The following FAM178B variants were observed in gnomAD, a reference collection of about 807,000 sequenced individuals.
The protein encoded by FAM178B is family with sequence similarity 178 member B, also known as protein FAM178B.
FAM178B carries 82 observed loss-of-function variants against 91.7 expected under a neutral mutation model. The ratio of observed to expected loss-of-function variants is 0.89; its 90% CI spans 0.75 to 1.07. The LOEUF (loss-of-function observed/expected upper bound fraction) is 1.07. FAM178B is among the 50% of genes least tolerant of loss of function. The pLI is 0.00. For missense variants in FAM178B, 769 were observed against 846.7 expected, an observed-to-expected ratio of 0.91 and a Z score of 1.14; for synonymous variants, 368 against 359.4, an observed-to-expected ratio of 1.02 and a Z score of -0.27.
chr2:96,948,193 A>G (rs2081862774), intron 7 of FAM178B, among the ~76,000 whole-genome samples: 1 of 152,232 alleles, frequency 6.6e-6, no homozygotes, highest in African/African-American at 2.4e-5. Context: ...ACCTCCTGGC[A>G]TGGGGGTCTT....
At chr2:96,886,354 A>G (rs2080520013) in intron 14 of FAM178B, among the ~76,000 whole-genome samples, 1 of 152,208 alleles carries the variant, frequency 6.6e-6, no homozygotes, top group Non-Finnish European at 1.5e-5. Context: ...ATGAGACGCC[A>G]TTCTGGTTAC....
chr2:96,941,996 A>G (rs1391860999), intron 8 of FAM178B, among the ~76,000 whole-genome samples: 1 of 152,242 alleles, frequency 6.6e-6, no homozygotes, highest in Non-Finnish European at 1.5e-5. Context: ...TACCACAAAA[A>G]AACTATCACA....
At chr2:96,893,790 T>A in intron 14 of FAM178B, 136 bp downstream of exon 14, 1 of 1,096,152 alleles carries the variant, frequency 9.1e-7, no homozygotes, top group Non-Finnish European at 1.3e-6. Context: ...AGGCAGCCTG[T>A]TGGTCTCTGC....
intron 8 of FAM178B, among the ~76,000 whole-genome samples, chr2:96,933,595 T>A (rs1296095649): frequency 1.3e-5 from 2 of 152,224 alleles, no homozygotes; most frequent in Non-Finnish European, 2.9e-5. Context: ...GCCTCCCTCG[T>A]GCCCTGAGTC....
At chr2:96,971,424 CA>C (rs2082216486) in intron 3 of FAM178B, among the ~76,000 whole-genome samples, 1 of 152,106 alleles carries the variant, frequency 6.6e-6, no homozygotes, top group African/African-American at 2.4e-5. Flanking sequence ...TCTCGATCCA[CA>C]GCCTGTAAAT....
At chr2:96,961,633 G>A (rs1044710968) in intron 5 of FAM178B, among the ~76,000 whole-genome samples, 5 of 152,258 alleles carry the variant, frequency 3.3e-5, no homozygotes, top group Admixed American at 1.3e-4. Flanking sequence ...CCTGGTTTCC[G>A]GCTAGGCCCA....
rs559786885 is a variant in FAM178B, at chr2:96,929,457, T to TG, written c.1079-138dup. On this transcript the variant is annotated intron_variant, in intron 8 of 16. Coordinates refer to ENST00000490605, the MANE Select transcript of FAM178B (RefSeq NM_001122646.3). Reference sequence around the variant, plus strand: ...CTTCTCTGACACCACAGGTGTTATCTGGGGAAATGAAGCAACTGGTGGTTT... The same window carrying TG: ...CTTCTCTGACACCACAGGTGTTATCTGGGGGAAATGAAGCAACTGGTGGTTT... The TG allele has an allele frequency of 1.1e-4, 71 of 657,516 alleles. No individual in the cohort carries two copies. In the East Asian group the frequency reaches 1.9e-3, roughly 17 times the overall value. The allele number at this position is 657,516 out of a possible 1,614,324, so 40.7% of individuals were successfully genotyped here.
intron 16 of FAM178B, 44 bp downstream of exon 16, chr2:96,877,846 C>A: frequency 6.3e-7 from 1 of 1,590,448 alleles, no homozygotes; most frequent in South Asian, 1.1e-5. Context: ...CCTGCCTGAC[C>A]ACTTCCCGCC....
At chr2:96,956,024 C>G (rs1030113105) in intron 6 of FAM178B, among the ~76,000 whole-genome samples, 12 of 152,182 alleles carry the variant, frequency 7.9e-5, no homozygotes, top group Non-Finnish European at 1.6e-4. Context: ...CACGCTGGTC[C>G]TCGCACCAAC....
chr2:96,977,665 G>T (rs1422736887), intron 1 of FAM178B, among the ~76,000 whole-genome samples: 1 of 151,970 alleles, frequency 6.6e-6, no homozygotes, highest in African/African-American at 2.4e-5. Flanking sequence ...GCACCAAGAA[G>T]AATTCCATAC....
chr2:96,933,381 TG>T (rs1221029060), intron 8 of FAM178B, among the ~76,000 whole-genome samples: 1 of 151,928 alleles, frequency 6.6e-6, no homozygotes, highest in Non-Finnish European at 1.5e-5. Context: ...CTTGGGGGTA[TG>T]GGGGGAAGAT....
At chr2:96,946,394 G>A (rs2081828479) in intron 8 of FAM178B, among the ~76,000 whole-genome samples, 1 of 152,296 alleles carries the variant, frequency 6.6e-6, no homozygotes, top group East Asian at 1.9e-4. Flanking sequence ...ATCTGCTCAA[G>A]TCCCTGCATT....
In FAM178B at chr2:96,968,083, C is replaced by T. The variant is rs536661147; in HGVS notation, c.627-456G>A. 2.0e-5 allele frequency among the ~76,000 whole-genome samples: 3 copies of T among 151,830 alleles called. No homozygotes were observed. In the East Asian group the frequency reaches 5.8e-4, roughly 29 times the overall value. Reference sequence around the variant, plus strand: ...GGGACAACAGGCAAGCACTCGGATTCGTTCTTTTTTTTTAAACACACCAAG... The same window carrying T: ...GGGACAACAGGCAAGCACTCGGATTTGTTCTTTTTTTTTAAACACACCAAG... On this transcript the variant is annotated intron_variant, in intron 4 of 16. Coordinates refer to ENST00000490605, the MANE Select transcript of FAM178B (RefSeq NM_001122646.3).
intron 13 of FAM178B, among the ~76,000 whole-genome samples, chr2:96,900,289 A>G (rs2080902595): frequency 6.6e-6 from 1 of 151,916 alleles, no homozygotes; most frequent in Non-Finnish European, 1.5e-5. Flanking sequence ...CCTCACAGAG[A>G]CCATCTATGA....
chr2:96,904,311 A>C (rs2080989256), intron 12 of FAM178B, among the ~76,000 whole-genome samples: 1 of 152,124 alleles, frequency 6.6e-6, no homozygotes, highest in African/African-American at 2.4e-5. Context: ...AACAACATGA[A>C]CGACCTCCAG....
At chr2:96,959,632 A>G (rs998829286) in intron 6 of FAM178B, among the ~76,000 whole-genome samples, 2 of 152,146 alleles carry the variant, frequency 1.3e-5, no homozygotes, top group South Asian at 2.1e-4. Flanking sequence ...AGCCTGTGTG[A>G]GCACCCAGCA....
At chr2:96,912,536 G>A (rs1482252199) in intron 12 of FAM178B, among the ~76,000 whole-genome samples, 1 of 152,092 alleles carries the variant, frequency 6.6e-6, no homozygotes, top group Non-Finnish European at 1.5e-5. Context: ...TTGCTCATCA[G>A]GAAGAGCCCG....
At chr2:96,932,432 G>A (rs1211192278) in intron 8 of FAM178B, among the ~76,000 whole-genome samples, 1 of 152,150 alleles carries the variant, frequency 6.6e-6, no homozygotes, top group Non-Finnish European at 1.5e-5. Flanking sequence ...ATACCACCCC[G>A]GAGCCCATAA....
At chr2:96,961,312 G>GGT (rs70964889) in intron 5 of FAM178B, among the ~76,000 whole-genome samples, 92,913 of 146,622 alleles carry the variant, frequency 0.63, 29,936 homozygotes, top group Non-Finnish European at 0.71. Context: ...AGCAGCAGAG[G>GGT]GTGTGTGTGT....
Sources: allele counts gnomAD v4.1 joint callset (sites outside exome capture counted in the v4.1 genomes callset), GRCh38; gene constraint gnomAD v4.1.1; transcripts MANE v1.5; gene names NCBI Gene and HGNC (gene_info 2026-07-23, HGNC 2026-07-21).